The following FKBP15 variants were observed in gnomAD, a reference collection of about 807,000 sequenced individuals.
The protein encoded by FKBP15 is FK506-binding protein 15.
A neutral mutation model predicts 158.1 loss-of-function variants in FKBP15; 106 were observed. That is an observed-to-expected ratio of 0.67 (90% CI 0.57 to 0.79). The LOEUF (loss-of-function observed/expected upper bound fraction) is 0.79. Among genes scored for constraint, FKBP15 ranks in the 30% least tolerant of loss-of-function variants. FKBP15 has a pLI of 0.00. For missense variants in FKBP15, 1,287 were observed against 1,479.1 expected (o/e 0.87, Z 2.13); for synonymous variants, 547 against 548.6 (o/e 1.00, Z 0.04).
Position 113,184,617 on chromosome 9 carries a change from G to T in FKBP15, c.1608+78C>A. 8.4e-7 allele frequency: 1 copy of T among 1,194,432 alleles called. No homozygotes were observed. The highest frequency in any genetic ancestry group is 1.2e-6 in the Non-Finnish European group (1 of 822,586). The allele number at this position is 1,194,432 out of a possible 1,614,324, so 74.0% of individuals were successfully genotyped here. A position where few individuals can be genotyped will look rare whatever the true frequency, so the allele number is the denominator to read the frequency against. On this transcript the variant is annotated intron_variant, in intron 16 of 27. Coordinates refer to ENST00000238256, the MANE Select transcript of FKBP15 (RefSeq NM_015258.2). The surrounding 1 kb of genome is among the most constrained non-coding windows in gnomAD (Gnocchi z 4.5). ...ACTACTACCAATGCAGGAAATCAAA[G>T]AAGAGTTTACCTACAGTTCTGGCTG...
rs77435178 is a variant in FKBP15 at position 113,178,547 on chromosome 9, C to A, written c.2086+83G>T. 2.1e-6 allele frequency: 3 copies of A among 1,423,528 alleles called. No individual in the cohort carries two copies. In the South Asian group the frequency reaches 4.4e-5, roughly 21 times the overall value. 88.2% of individuals were successfully genotyped at this position (1,423,528 alleles called of 1,614,324 possible). Reference sequence around the variant, plus strand: ...CTTCAAAAACTTCATGAGCATCATGCCAAAAAAATTGAGAGGAAGAAAACA... The same window carrying A: ...CTTCAAAAACTTCATGAGCATCATGACAAAAAAATTGAGAGGAAGAAAACA... On this transcript the variant is annotated intron_variant, in intron 20 of 27. Coordinates refer to ENST00000238256, the MANE Select transcript of FKBP15 (RefSeq NM_015258.2).
At position 113,219,876 on chromosome 9, in the gene FKBP15, G is replaced by T. The variant is rs74420947; in HGVS notation, c.53+1315C>A. On this transcript the variant is annotated intron_variant, in intron 1 of 27. Coordinates refer to ENST00000238256, the MANE Select transcript of FKBP15 (RefSeq NM_015258.2). ...CTGTAAAATAACTGAGAAACGGAAA[G>T]AACTCAAAGTGGAACTAAGTGAATG... Among the ~76,000 whole-genome samples, 650 of 152,300 alleles carry T rather than the reference G, an allele frequency of 4.3e-3. 12 individuals carry two copies. The highest frequency in any genetic ancestry group is 1.3e-3 in the Non-Finnish European group (88 of 68,008).
Position 113,186,259 on chromosome 9 carries a change from G to C in FKBP15, c.1488C>G (p.Pro496=). ...GGAATTACTCCCTACCTTGGAAATG[G>C]GGAGGCTGAGAGAGCGGTGCTGGGT... ...PLYPAPLSQP[P]HFQGSGDMAS... is the part of the protein sequence containing the mutation. The change falls in exon 15 of 28, where the codon CCC becomes CCG. Residue 496 remains proline, a synonymous_variant. Coordinates refer to ENST00000238256, the MANE Select transcript of FKBP15 (RefSeq NM_015258.2). The C allele has an allele frequency of 6.4e-7, 1 of 1,560,834 alleles. No individual in the cohort carries two copies. Among genetic ancestry groups the C allele is most frequent in the Non-Finnish European group, 8.7e-7 (1 of 1,151,756 alleles).
chr9:113,168,475 C>T lies in FKBP15; in HGVS notation c.3567G>A (p.Glu1189=). Residue 1189 remains glutamate, a synonymous_variant, in exon 27 of 28, where the codon GAG becomes GAA. Transcript: ENST00000238256. ...ALRPKAQPEE[E]DEDEVSMKGR... is the part of the protein sequence containing the mutation. Reference sequence around the variant, plus strand: ...ATTTCCTTACCACCTCGTCTTCATCCTCCTCCTCAGGCTGTGCTTTGGGCC... The same window carrying T: ...ATTTCCTTACCACCTCGTCTTCATCTTCCTCCTCAGGCTGTGCTTTGGGCC... 2 of 1,613,832 alleles carry T rather than the reference C, an allele frequency of 1.2e-6. No homozygotes were observed. The highest frequency in any genetic ancestry group is 1.7e-6 in the Non-Finnish European group (2 of 1,179,754).
In FKBP15 at chr9:113,170,695, A is replaced by G. The variant is rs1830192794; in HGVS notation, c.2659-66T>C. ...CTAAAGGATGCATTAAATTCCAGAG[A>G]GGTGTATGGAAGGCCAAAATGAAGC... On this transcript the variant is annotated intron_variant, in intron 24 of 27. Coordinates refer to ENST00000238256, the MANE Select transcript of FKBP15 (RefSeq NM_015258.2). 3.9e-6 allele frequency: 5 copies of G among 1,289,360 alleles called. No individual in the cohort carries two copies. The South Asian group carries it at 4.8e-5, about 12-fold the overall frequency. 79.9% of individuals were successfully genotyped at this position (1,289,360 alleles called of 1,614,324 possible).
Position 113,221,202 on chromosome 9 carries a change from C to A in FKBP15, c.42G>T (p.Ser14=). ...TCTCAGTCACTCACCCGCCGCTCGGCGAGAGGAAATCGGTGTCGTCCTCGT... is the reference window on the plus strand; with the variant it reads ...TCTCAGTCACTCACCCGCCGCTCGGAGAGAGGAAATCGGTGTCGTCCTCGT... ...AGDEDDTDFL[S]PSGGARLASL... is the part of the protein sequence containing the mutation. Residue 14 remains serine, a synonymous_variant, in exon 1 of 28, where the codon TCG becomes TCT. Coordinates refer to ENST00000238256, the MANE Select transcript of FKBP15 (RefSeq NM_015258.2). 6.2e-7 allele frequency: 1 copy of A among 1,610,120 alleles called. No homozygotes were observed. Among genetic ancestry groups the A allele is most frequent in the Non-Finnish European group, 8.5e-7 (1 of 1,178,006 alleles).
intron 4 of FKBP15, among the ~76,000 whole-genome samples, chr9:113,205,061 G>C (rs765113733): frequency 2.6e-5 from 4 of 152,052 alleles, no homozygotes; most frequent in Non-Finnish European, 5.9e-5. Context: ...AACAACATGA[G>C]GGATAAAATC....
At chr9:113,187,315 G>C (rs116709877) in intron 14 of FKBP15, 2,679 of 161,254 alleles carry the variant, frequency 0.017, 95 homozygotes, top group African/African-American at 0.061. Flanking sequence ...TGGCAAACAG[G>C]CTGCTGCCAT....
intron 4 of FKBP15, chr9:113,206,218 A>G: frequency 2.1e-6 from 1 of 466,464 alleles, no homozygotes; most frequent in East Asian, 3.7e-5. Context: ...GTGTGTACAC[A>G]CGCACCCCAC....
chr9:113,171,847 T>C (rs79246338), intron 23 of FKBP15, 141 bp from the exon 24 acceptor site: 5 of 260,406 alleles, frequency 1.9e-5, no homozygotes, highest in Non-Finnish European at 2.7e-5. Context: ...TTTCAAATTC[T>C]TTTTTTTTAT....
intron 4 of FKBP15, among the ~76,000 whole-genome samples, chr9:113,205,622 G>C (rs952929750): frequency 6.6e-6 from 1 of 152,152 alleles, no homozygotes; most frequent in Non-Finnish European, 1.5e-5. Flanking sequence ...TTCTCAAAAA[G>C]TGGTACATAA....
chr9:113,182,769 C>A lies in FKBP15; in HGVS notation c.1911G>T (p.Glu637Asp). The A allele has an allele frequency of 6.2e-7, 1 of 1,613,618 alleles. No homozygotes were observed. Among genetic ancestry groups the A allele is most frequent in the African/African-American group, 1.3e-5 (1 of 75,016 alleles). Reference protein sequence around the residue: ...TQARVLHAEQEKAKVTEELAA... With the variant: ...TQARVLHAEQDKAKVTEELAA... ...TTTCTCTCCCCAGTTGCTTTACCTTCTCTTGTTCAGCATGCAATACTCTTG... is the reference window on the plus strand; with the variant it reads ...TTTCTCTCCCCAGTTGCTTTACCTTATCTTGTTCAGCATGCAATACTCTTG... The change falls in exon 19 of 28, where the codon GAG becomes GAT. Residue 637 changes from glutamate to aspartate, a missense_variant. Transcript: ENST00000238256.
intron 7 of FKBP15, among the ~76,000 whole-genome samples, chr9:113,199,531 G>A (rs1564176941): frequency 6.6e-6 from 1 of 152,106 alleles, no homozygotes; most frequent in Admixed American, 6.5e-5. Context: ...GTGTAAAACT[G>A]GTATAGGAGG....
rs750661846 is a variant in FKBP15, at chr9:113,187,819, C to T, written c.1357G>A (p.Val453Ile). 20 of 1,613,814 alleles carry T rather than the reference C, an allele frequency of 1.2e-5. No individual in the cohort carries two copies. Among genetic ancestry groups the T allele is most frequent in the Non-Finnish European group, 1.7e-5 (20 of 1,179,754 alleles). The change falls in exon 14 of 28, where the codon GTA becomes ATA. Residue 453 changes from valine (V) to isoleucine (I), a missense_variant. Physicochemically the swap from Val to Ile is conservative, Grantham distance 29. Coordinates refer to ENST00000238256, the MANE Select transcript of FKBP15 (RefSeq NM_015258.2). Reference sequence around the variant, plus strand: ...TGAAAGGATTGGGCATTTCCAGATACAGCTGAGTGGGAATCGAGAGATGAC... The same window carrying T: ...TGAAAGGATTGGGCATTTCCAGATATAGCTGAGTGGGAATCGAGAGATGAC... ...QVSSLDSHSA[V>I]SGNAQSFQPY...
At chr9:113,168,068 TTATC>T (rs1188644493) in intron 27 of FKBP15, among the ~76,000 whole-genome samples, 1 of 152,176 alleles carries the variant, frequency 6.6e-6, no homozygotes, top group African/African-American at 2.4e-5. Context: ...CTCAGGTTTT[TTATC>T]TATGAATAAG....
At chr9:113,199,680 G>T in intron 7 of FKBP15, 134 bp downstream of exon 7, 1 of 867,846 alleles carries the variant, frequency 1.2e-6, no homozygotes, top group Non-Finnish European at 1.7e-6. Context: ...CAAAGCAATT[G>T]CAGTGTCTAA....
Position 113,197,765 on chromosome 9 carries a change from A to G in FKBP15, c.718-687T>C, listed in dbSNP as rs141811808. ...TCCAAAAACTTCATAAGGTTGTCAG[A>G]ATTATCCCCATTTTACTTCAATAAC... On this transcript the variant is annotated intron_variant, in intron 8 of 27. Coordinates refer to ENST00000238256, the MANE Select transcript of FKBP15 (RefSeq NM_015258.2). Among the ~76,000 whole-genome samples the G allele has an allele frequency of 4.3e-3, 661 of 152,350 alleles. 8 individuals carry two copies. The highest frequency in any genetic ancestry group is 0.024 in the Middle Eastern group (7 of 294).
At chr9:113,178,204 C>T (rs16911386) in intron 20 of FKBP15, among the ~76,000 whole-genome samples, 10,878 of 152,080 alleles carry the variant, frequency 0.072, 858 homozygotes, top group East Asian at 0.43. Flanking sequence ...GACAATATAA[C>T]GGGAGACAAG....
intron 23 of FKBP15, among the ~76,000 whole-genome samples, chr9:113,172,387 T>G (rs1475281746): frequency 1.3e-5 from 2 of 152,178 alleles, no homozygotes; most frequent in Non-Finnish European, 2.9e-5. Flanking sequence ...CTGGGTCAAA[T>G]GGTAATTCTA....
Sources: gnomAD v4.1 joint callset for allele counts (sites outside exome capture counted in the v4.1 genomes callset) on GRCh38, gnomAD v4.1.1 for gene constraint, Gnocchi (gnomAD v3.1) non-coding constraint, MANE v1.5 for transcripts, NCBI Gene and HGNC (gene_info 2026-07-23, HGNC 2026-07-21) for gene names.